MGAT5B: variants seen among roughly 807,000 people sequenced by gnomAD.
MGAT5B encodes the protein alpha-1,6-mannosylglycoprotein 6-beta-N-acetylglucosaminyltransferase B, also known as N-acetylglucosaminyl-transferase Vb.
MGAT5B carries 54 observed loss-of-function variants against 95.1 expected under a neutral mutation model. That is an observed-to-expected ratio of 0.57 (90% CI 0.46 to 0.71). The LOEUF (loss-of-function observed/expected upper bound fraction) is 0.71, where lower values mean the gene tolerates loss of function less well. Among genes scored for constraint, MGAT5B ranks in the 30% least tolerant of loss-of-function variants. MGAT5B has a pLI of 0.00. For synonymous variants in MGAT5B, 464 were observed against 451.0 expected, an observed-to-expected ratio of 1.03 and a Z score of -0.36; for missense variants, 935 against 1,088.6, an observed-to-expected ratio of 0.86 and a Z score of 1.99.
intron 6 of MGAT5B, among the ~76,000 whole-genome samples, chr17:76,904,927 A>G (rs1196593749): frequency 6.6e-6 from 1 of 152,136 alleles, no homozygotes. Flanking sequence ...GGAAACTGCT[A>G]TGGTTGGCCA....
At position 76,930,278 on chromosome 17, in the gene MGAT5B, G is replaced by A. The variant is rs935453933; in HGVS notation, c.1292-2367G>A. Among the ~76,000 whole-genome samples the A allele has an allele frequency of 3.4e-5, 5 of 147,618 alleles. No homozygotes were observed. Among genetic ancestry groups the A allele is most frequent in the Admixed American group, 2.7e-4 (4 of 14,826 alleles). ...TCATCTCTTCTAAGCTGTACCAGAT[G>A]TTGATTATTACGTCTTGTGGGCCTT... On this transcript the variant is annotated intron_variant, in intron 10 of 17. Transcript: ENST00000569840. The surrounding 1 kb of genome is among the most constrained non-coding windows in gnomAD (Gnocchi z 4.1).
intron 11 of MGAT5B, 94 bp downstream of exon 11, chr17:76,932,869 T>C: frequency 6.6e-7 from 1 of 1,504,496 alleles, no homozygotes; most frequent in Non-Finnish European, 8.9e-7. Context: ...TGCGGTGCCC[T>C]CCTCCCGCCC....
intron 2 of MGAT5B, among the ~76,000 whole-genome samples, chr17:76,877,977 A>G (rs1411241119): frequency 6.6e-6 from 1 of 152,144 alleles, no homozygotes; most frequent in Non-Finnish European, 1.5e-5. Flanking sequence ...CCTTATTTAT[A>G]TGGAAATATG....
rs1367970853 is a variant in MGAT5B at position 76,889,228 on chromosome 17, A to C, written c.329+6930A>C. 6.6e-6 allele frequency among the ~76,000 whole-genome samples: 1 copy of C among 152,070 alleles called. No homozygotes were observed. Among genetic ancestry groups the C allele is most frequent in the African/African-American group, 2.4e-5 (1 of 41,382 alleles). ...GGAGCTCGCCGTGTGACCTTGGGAA[A>C]GCCACTATATCTGCCAGACATCCTG... On this transcript the variant is annotated intron_variant, in intron 3 of 17. Coordinates refer to ENST00000569840, the MANE Select transcript of MGAT5B (RefSeq NM_001199172.2). The surrounding 1 kb of genome is among the most constrained non-coding windows in gnomAD (Gnocchi z 4.4).
At chr17:76,888,149 T>A (rs1201090686) in intron 3 of MGAT5B, among the ~76,000 whole-genome samples, 3 of 152,170 alleles carry the variant, frequency 2.0e-5, no homozygotes, top group Non-Finnish European at 4.4e-5. Flanking sequence ...TTTATGTATT[T>A]ATTTTTTTGT....
Position 76,883,860 on chromosome 17 carries a change from C to T in MGAT5B, c.329+1562C>T, listed in dbSNP as rs184810773. Among the ~76,000 whole-genome samples the T allele has an allele frequency of 2.3e-3, 351 of 152,304 alleles. 2 individuals are homozygous for T. The highest frequency in any genetic ancestry group is 3.1e-3 in the African/African-American group (130 of 41,556). On this transcript the variant is annotated intron_variant, in intron 3 of 17. Transcript: ENST00000569840. ...TGATGACCCACAGGAGGTCACTGTG[C>T]CCGTGGGAGGGTTGGAGGGATGCCT...
chr17:76,871,645 A>G lies in MGAT5B; in HGVS notation c.69-1206A>G, dbSNP rs77186790. Among the ~76,000 whole-genome samples the G allele has an allele frequency of 9.9e-3, 1,505 of 152,386 alleles. 12 individuals are homozygous for G. The highest frequency in any genetic ancestry group is 0.02 in the Middle Eastern group (6 of 294). ...AAAATGCATAAAGCAAGTCTTGCAT[A>G]AAGACACAAACAAGCATGGAACTTG... is the stretch of plus-strand genomic sequence containing the variant. On this transcript the variant is annotated intron_variant, in intron 1 of 17. Transcript: ENST00000569840.
In MGAT5B at chr17:76,915,779, G is replaced by A. The variant is rs140995488; in HGVS notation, c.1026-9187G>A. 2.3e-3 allele frequency among the ~76,000 whole-genome samples: 354 copies of A among 152,258 alleles called. 1 individual carries two copies. The highest frequency in any genetic ancestry group is 6.4e-3 in the African/African-American group (267 of 41,540). On this transcript the variant is annotated intron_variant, in intron 8 of 17. Coordinates refer to ENST00000569840, the MANE Select transcript of MGAT5B (RefSeq NM_001199172.2). The surrounding 1 kb of genome is among the most constrained non-coding windows in gnomAD (Gnocchi z 8.7). Reference sequence around the variant, plus strand: ...CGATTACAATTCACTAAAAATCCCCGGCCCCTCTCCTGTCTCCTTTTTCCT... The same window carrying A: ...CGATTACAATTCACTAAAAATCCCCAGCCCCTCTCCTGTCTCCTTTTTCCT...
Position 76,896,001 on chromosome 17 carries a change from G to A in MGAT5B, c.330-6554G>A, listed in dbSNP as rs74724176. Among the ~76,000 whole-genome samples, 176 of 152,298 alleles carry A rather than the reference G, an allele frequency of 1.2e-3. 1 individual carries two copies. The highest frequency in any genetic ancestry group is 4.2e-3 in the African/African-American group (173 of 41,546). On this transcript the variant is annotated intron_variant, in intron 3 of 17. Coordinates refer to ENST00000569840, the MANE Select transcript of MGAT5B (RefSeq NM_001199172.2). ...TGGCCCTGGTGGAGAAGTCAGCGCT[G>A]GTGCTGCCTACCCCACGGTGACAAC...
In MGAT5B at chr17:76,930,828, A is replaced by G. The variant is rs894957; in HGVS notation, c.1292-1817A>G. Reference sequence around the variant, plus strand: ...CCACAAAGGGAGGCACAGTCCACCCAAGAGAAGGCTTCCAGGAGGAGGTGT... The same window carrying G: ...CCACAAAGGGAGGCACAGTCCACCCGAGAGAAGGCTTCCAGGAGGAGGTGT... On this transcript the variant is annotated intron_variant, in intron 10 of 17. Transcript: ENST00000569840. This position sits in a 1 kb window ranked among gnomAD's most constrained non-coding sequence, Gnocchi z 4.1. 6.6e-6 allele frequency among the ~76,000 whole-genome samples: 1 copy of G among 152,082 alleles called. No homozygotes were observed. The highest frequency in any genetic ancestry group is 1.5e-5 in the Non-Finnish European group (1 of 68,022).
rs150514812 is a variant in MGAT5B at position 76,896,955 on chromosome 17, G to A, written c.330-5600G>A. Among the ~76,000 whole-genome samples, 3 of 151,842 alleles carry A rather than the reference G, an allele frequency of 2.0e-5. No individual in the cohort carries two copies. The East Asian group carries it at 5.8e-4, about 29-fold the overall frequency. On this transcript the variant is annotated intron_variant, in intron 3 of 17. Transcript: ENST00000569840. ...TTTTTTTTAAACAAAGTCTTGTTCT[G>A]TCACCCAGGCTGGAGTGCAGCAGTG...
intron 12 of MGAT5B, among the ~76,000 whole-genome samples, chr17:76,936,550 C>A (rs1050465150): frequency 9.9e-5 from 15 of 152,118 alleles, no homozygotes; most frequent in Non-Finnish European, 2.9e-5. Context: ...GATTTCTTTC[C>A]TGTTTTTTTG....
chr17:76,895,371 C>T (rs1968028907), intron 3 of MGAT5B, among the ~76,000 whole-genome samples: 2 of 152,082 alleles, frequency 1.3e-5, no homozygotes, highest in Admixed American at 1.3e-4. Flanking sequence ...ATACTTGAAT[C>T]ATCCTGAAAC....
chr17:76,912,585 C>A lies in MGAT5B; in HGVS notation c.1025+6398C>A, dbSNP rs531788644. 2.9e-3 allele frequency among the ~76,000 whole-genome samples: 439 copies of A among 151,898 alleles called. 3 individuals carry two copies. Among genetic ancestry groups the A allele is most frequent in the Non-Finnish European group, 4.1e-3 (281 of 67,994 alleles). ...GCAGATGTCCTGGCCACTGATGGAG[C>A]AACAAGGCTGGACGGATGAGCCGGT... On this transcript the variant is annotated intron_variant, in intron 8 of 17. Coordinates refer to ENST00000569840, the MANE Select transcript of MGAT5B (RefSeq NM_001199172.2). The surrounding 1 kb of genome is among the most constrained non-coding windows in gnomAD (Gnocchi z 5.0).
In MGAT5B at chr17:76,947,963, C is replaced by T. The variant is rs147710038; in HGVS notation, c.2057C>T (p.Ala686Val). The T allele has an allele frequency of 1.2e-5, 20 of 1,612,196 alleles. No homozygotes were observed. Among genetic ancestry groups the T allele is most frequent in the East Asian group, 2.2e-5 (1 of 44,838 alleles). ...TTGGCTCCTGGGGCCTGGCCCCCCG[C>T]GCACGCCCTGCGGGCCTGGCTGGCC... ...TSLAPGAWPP[A>V]HALRAWLAVP... is the part of the protein sequence containing the mutation. The change falls in exon 17 of 18, where the codon GCG becomes GTG. Residue 686 changes from alanine to valine, a missense_variant. This residue lies in a region of MGAT5B where 440 missense variants were observed against 523.6 expected (regional missense o/e 0.84). Coordinates refer to ENST00000569840, the MANE Select transcript of MGAT5B (RefSeq NM_001199172.2).
At chr17:76,899,805 G>T (rs552208) in intron 3 of MGAT5B, among the ~76,000 whole-genome samples, 20,617 of 152,066 alleles carry the variant, frequency 0.14, 1,841 homozygotes, top group African/African-American at 0.22. Flanking sequence ...CTTCTTGGAG[G>T]GAACCCAGGC....
At chr17:76,933,698 T>C (rs765916933) in intron 12 of MGAT5B, among the ~76,000 whole-genome samples, 15 of 152,156 alleles carry the variant, frequency 9.9e-5, no homozygotes, top group Non-Finnish European at 1.8e-4. Flanking sequence ...ATTTAATCAC[T>C]CTCCCAGCTG....
intron 10 of MGAT5B, among the ~76,000 whole-genome samples, chr17:76,928,098 G>A (rs1969370978): frequency 6.6e-6 from 1 of 152,174 alleles, no homozygotes; most frequent in Non-Finnish European, 1.5e-5. Context: ...GGTTGGGAAA[G>A]TGGGAAGGTT....
At chr17:76,934,924 G>A (rs1376275101) in intron 12 of MGAT5B, among the ~76,000 whole-genome samples, 1 of 152,132 alleles carries the variant, frequency 6.6e-6, no homozygotes, top group Non-Finnish European at 1.5e-5. Context: ...GAGAAGCAGA[G>A]GAGGAAGGAG....
Sources: allele counts gnomAD v4.1 joint callset (sites outside exome capture counted in the v4.1 genomes callset), GRCh38; gene constraint gnomAD v4.1.1; regional missense constraint gnomAD v4.1.1; non-coding constraint Gnocchi (gnomAD v3.1); transcripts MANE v1.5; gene names NCBI Gene and HGNC (gene_info 2026-07-23, HGNC 2026-07-21).